G3BP2: variants seen among roughly 807,000 people sequenced by gnomAD.
The protein encoded by G3BP2 is G3BP stress granule assembly factor 2.
In G3BP2, 11 loss-of-function variants were observed where a neutral mutation model predicts 56.7. The ratio of observed to expected loss-of-function variants is 0.19; its 90% CI spans 0.12 to 0.32. The LOEUF is 0.32. Ranked by LOEUF, G3BP2 falls within the 10% of genes least tolerant of loss-of-function variation. The pLI is 1.00. For missense variants in G3BP2, 340 were observed against 610.9 expected (o/e 0.56, Z 4.67); for synonymous variants, 165 against 191.6 (o/e 0.86, Z 1.15).
Position 75,647,109 on chromosome 4 carries a change from C to T in G3BP2, c.977G>A (p.Arg326His), listed in dbSNP as rs774921055. The change falls in exon 10 of 12, where the codon CGC becomes CAC. Residue 326 changes from arginine to histidine, a missense_variant. This residue lies in a region of G3BP2 where 224 missense variants were observed against 332.5 expected (regional missense o/e 0.67). Coordinates refer to ENST00000359707, the MANE Select transcript of G3BP2 (RefSeq NM_203505.3). ...AAAAAGTTGATGACTATCTGGATAG[C>T]GAATTATTCTACGGTTGTCAGAGTC... ...QNDSDNRRII[R>H]YPDSHQLFVG... is the part of the protein sequence containing the mutation. 6.3e-7 allele frequency: 1 copy of T among 1,597,122 alleles called. No homozygotes were observed.
In G3BP2 at chr4:75,707,175, G is replaced by GAA. The variant is rs35357713; in HGVS notation, c.-25+13700_-25+13701dup. Among the ~76,000 whole-genome samples the GAA allele has an allele frequency of 1.4e-3, 149 of 103,604 alleles. 2 individuals carry two copies. Among genetic ancestry groups the GAA allele is most frequent in the African/African-American group, 5.3e-3 (137 of 25,984 alleles). 68.0% of individuals were successfully genotyped at this position (103,604 alleles called of 152,430 possible). ...GGCAACAAGGGCGAAACTCCGTCTTGAAAAAAAAAAAAAAAAAACAGAAAA... is the reference window on the plus strand; with the variant it reads ...GGCAACAAGGGCGAAACTCCGTCTTGAAAAAAAAAAAAAAAAAAAACAGAAAA... On this transcript the variant is annotated intron_variant, in intron 3 of 3. Transcript: ENST00000499709.
At chr4:75,704,874 C>T (rs927678033) in intron 3 of G3BP2, among the ~76,000 whole-genome samples, 7 of 152,110 alleles carry the variant, frequency 4.6e-5, no homozygotes, top group Admixed American at 3.3e-4. Flanking sequence ...CTCAGGTGAC[C>T]CACCCGCCTT....
At chr4:75,713,246 G>A (rs1719819911) in intron 3 of G3BP2, among the ~76,000 whole-genome samples, 1 of 152,142 alleles carries the variant, frequency 6.6e-6, no homozygotes, top group Non-Finnish European at 1.5e-5. Flanking sequence ...CAAAATAGGT[G>A]GAAGTTGAAA....
chr4:75,695,611 G>A (rs1156386415), intron 3 of G3BP2, among the ~76,000 whole-genome samples: 2 of 152,098 alleles, frequency 1.3e-5, no homozygotes, highest in African/African-American at 4.8e-5. Flanking sequence ...GCCTATAGAG[G>A]AGCCACATTT....
intron 2 of G3BP2, among the ~76,000 whole-genome samples, chr4:75,659,304 A>G (rs1220809204): frequency 6.6e-6 from 1 of 152,184 alleles, no homozygotes; most frequent in African/African-American, 2.4e-5. Flanking sequence ...TTCAGATACA[A>G]AGACTCAGCT....
In G3BP2 at chr4:75,645,683, T is replaced by A; in HGVS notation, c.1196A>T (p.Glu399Val). 1 of 1,613,742 alleles carries A rather than the reference T, an allele frequency of 6.2e-7. No individual in the cohort carries two copies. ...TTTCTCTTCCACATTTAAACGTACTTCCCCTCGAAACATAATCGGCTTTAT... is the reference window on the plus strand; with the variant it reads ...TTTCTCTTCCACATTTAAACGTACTACCCCTCGAAACATAATCGGCTTTAT... ...LIAKPIMFRG[E>V]VRLNVEEKKT... Residue 399 changes from glutamate (E) to valine (V), a missense_variant, in exon 12 of 12, where the codon GAA becomes GTA. By Grantham distance (121) the Glu-to-Val change is moderately radical. This residue lies in a region of G3BP2 where 94 missense variants were observed against 173.8 expected (regional missense o/e 0.54). Coordinates refer to ENST00000359707, the MANE Select transcript of G3BP2 (RefSeq NM_203505.3).
Position 75,644,749 on chromosome 4 carries a change from T to A in G3BP2, c.*681A>T, listed in dbSNP as rs919281211. On this transcript the variant is annotated 3_prime_UTR_variant, in exon 12 of 12. Transcript: ENST00000359707. ...ATCGCATTTGAAGTTCTAATTTTTA[T>A]TATTTAGTTCATAACTAAAATGATT... 2.0e-5 allele frequency: 3 copies of A among 152,660 alleles called. No individual in the cohort carries two copies. The highest frequency in any genetic ancestry group is 4.4e-5 in the Non-Finnish European group (3 of 68,052). 9.5% of individuals were successfully genotyped at this position (152,660 alleles called of 1,614,324 possible). A position where few individuals can be genotyped will look rare whatever the true frequency, so the allele number is the denominator to read the frequency against.
chr4:75,648,337 ACTC>A (rs1489888322), intron 9 of G3BP2, among the ~76,000 whole-genome samples: 14 of 125,412 alleles, frequency 1.1e-4, no homozygotes, highest in African/African-American at 3.7e-4. Context: ...ACAGAGCAAG[ACTC>A]CGTCTCAAAA....
chr4:75,705,608 T>C (rs988310212), intron 3 of G3BP2, among the ~76,000 whole-genome samples: 13 of 152,098 alleles, frequency 8.5e-5, no homozygotes, highest in African/African-American at 3.1e-4. Flanking sequence ...GAAAGATGGA[T>C]GGCAGGGAAG....
intron 3 of G3BP2, among the ~76,000 whole-genome samples, chr4:75,708,103 C>T (rs529450039): frequency 6.6e-6 from 1 of 152,208 alleles, no homozygotes; most frequent in Admixed American, 6.5e-5. Flanking sequence ...TAGGGAAGTA[C>T]CCTTTTCAAT....
intron 3 of G3BP2, 113 bp from the exon 4 acceptor site, chr4:75,657,843 C>G (rs1310096777): frequency 3.0e-6 from 2 of 669,928 alleles, no homozygotes; most frequent in East Asian, 5.5e-5. Context: ...AACTAATCTT[C>G]CTGAACTGAA....
chr4:75,721,068 C>T (rs1368201870), intron 2 of G3BP2, among the ~76,000 whole-genome samples: 1 of 151,612 alleles, frequency 6.6e-6, no homozygotes, highest in Non-Finnish European at 1.5e-5. Flanking sequence ...GCTCTTGAAC[C>T]CAGGAGTTCC....
At chr4:75,714,497 G>A (rs1198633709) in intron 3 of G3BP2, among the ~76,000 whole-genome samples, 4 of 152,090 alleles carry the variant, frequency 2.6e-5, no homozygotes, top group Admixed American at 6.5e-5. Context: ...GCGTGGTGGC[G>A]AGTGCCTGTA....
chr4:75,693,541 A>C (rs1197592268), intron 3 of G3BP2, among the ~76,000 whole-genome samples: 1 of 151,732 alleles, frequency 6.6e-6, no homozygotes, highest in East Asian at 1.9e-4. Context: ...CTGTAATCCC[A>C]GCACTTTGGG....
At chr4:75,660,001 G>A (rs1330697860) in intron 2 of G3BP2, among the ~76,000 whole-genome samples, 1 of 152,106 alleles carries the variant, frequency 6.6e-6, no homozygotes, top group Non-Finnish European at 1.5e-5. Context: ...AACTAGCAAC[G>A]TGCACAAATA....
In G3BP2 at chr4:75,655,166, A is replaced by G. The variant is rs1362625488; in HGVS notation, c.626T>C (p.Leu209Pro). Reference protein sequence around the residue: ...EPESETKTEELKPQVEEKNLE... With the variant: ...EPESETKTEEPKPQVEEKNLE... ...GTTCTTCTCCTCCACTTGTGGTTTC[A>G]GCTCTTCAGTCTTTGTTTCAGATTC... Residue 209 changes from leucine (L) to proline (P), a missense_variant, in exon 7 of 12, where the codon CTG (leucine) becomes CCG (proline). This residue lies in a region of G3BP2 where 224 missense variants were observed against 332.5 expected (regional missense o/e 0.67). Transcript: ENST00000359707. 2 of 1,613,352 alleles carry G rather than the reference A, an allele frequency of 1.2e-6. No individual in the cohort carries two copies. Among genetic ancestry groups the G allele is most frequent in the Non-Finnish European group, 1.7e-6 (2 of 1,179,484 alleles).
At chr4:75,681,130 C>T (rs1398707994) in intron 3 of G3BP2, among the ~76,000 whole-genome samples, 2 of 151,642 alleles carry the variant, frequency 1.3e-5, no homozygotes, top group Non-Finnish European at 2.9e-5. Context: ...TCAAGACCAG[C>T]CTGGCCAACA....
chr4:75,658,836 T>C lies in G3BP2; in HGVS notation c.177+7A>G, dbSNP rs1732323320. 1.3e-6 allele frequency: 2 copies of C among 1,548,998 alleles called. No homozygotes were observed. Among genetic ancestry groups the C allele is most frequent in the African/African-American group, 1.4e-5 (1 of 73,702 alleles). On this transcript the variant is annotated splice_region_variant and intron_variant, in intron 3 of 11. Coordinates refer to ENST00000359707, the MANE Select transcript of G3BP2 (RefSeq NM_203505.3). ...ATTTCTAAACTACATATGAAATTGA[T>C]ACTTACATTTTGGCCATAAACAGCT...
At chr4:75,673,905 C>T (rs1432881795), upstream of G3BP2, 2 of 168,972 alleles carry the variant, frequency 1.2e-5, no homozygotes, top group Non-Finnish European at 2.5e-5. Context: ...TTTACTTAAC[C>T]CATCCTAGGT....
Sources: allele counts gnomAD v4.1 joint callset (sites outside exome capture counted in the v4.1 genomes callset), GRCh38; gene constraint gnomAD v4.1.1; regional missense constraint gnomAD v4.1.1; transcripts MANE v1.5; gene names NCBI Gene and HGNC (gene_info 2026-07-23, HGNC 2026-07-21).